Variants in KCNH5 observed in about 807,000 individuals in gnomAD.
The protein encoded by KCNH5 is voltage-gated delayed rectifier potassium channel KCNH5.
KCNH5 carries 46 observed loss-of-function variants against 96.1 expected under a neutral mutation model. The ratio of observed to expected loss-of-function variants is 0.48; its 90% CI spans 0.38 to 0.61. The LOEUF (loss-of-function observed/expected upper bound fraction) is 0.61, where lower values mean the gene tolerates loss of function less well. Among genes scored for constraint, KCNH5 ranks in the 20% least tolerant of loss-of-function variants. The pLI is 0.00. For synonymous variants in KCNH5, 439 were observed against 449.8 expected, an observed-to-expected ratio of 0.98 and a Z score of 0.30; for missense variants, 907 against 1,225.8, an observed-to-expected ratio of 0.74 and a Z score of 3.88.
chr14:62,814,642 G>T (rs1193095106), intron 8 of KCNH5, among the ~76,000 whole-genome samples: 1 of 151,596 alleles, frequency 6.6e-6, no homozygotes, highest in Non-Finnish European at 1.5e-5. Context: ...AATTAGCCGG[G>T]TGTGGTGGCA....
At chr14:62,847,300 A>G (rs976765658) in intron 8 of KCNH5, among the ~76,000 whole-genome samples, 3 of 151,846 alleles carry the variant, frequency 2.0e-5, no homozygotes, top group African/African-American at 7.3e-5. Flanking sequence ...AGTATAGCAT[A>G]TGGTGTGTAA....
At chr14:62,872,985 C>T (rs1049540220) in intron 7 of KCNH5, among the ~76,000 whole-genome samples, 1 of 151,910 alleles carries the variant, frequency 6.6e-6, no homozygotes, top group Non-Finnish European at 1.5e-5. Context: ...TCCGTTTCTA[C>T]TGGAAATAAA....
intron 1 of KCNH5, among the ~76,000 whole-genome samples, chr14:63,036,938 G>A (rs1248857557): frequency 1.3e-5 from 2 of 152,072 alleles, no homozygotes; most frequent in South Asian, 2.1e-4. Context: ...AGAAGAATGC[G>A]CACTCATAAT....
intron 7 of KCNH5, among the ~76,000 whole-genome samples, chr14:62,870,534 AT>A (rs1888233085): frequency 6.6e-6 from 1 of 152,100 alleles, no homozygotes; most frequent in African/African-American, 2.4e-5. Flanking sequence ...ATAGGTAATA[AT>A]TTTTTTAACT....
At position 62,862,309 on chromosome 14, in the gene KCNH5, G is replaced by A. The variant is rs772539655; in HGVS notation, c.1370-12457C>T. Among the ~76,000 whole-genome samples the A allele has an allele frequency of 3.9e-5, 6 of 152,062 alleles. 1 individual carries two copies. The highest frequency in any genetic ancestry group is 5.9e-5 in the Non-Finnish European group (4 of 68,016). On this transcript the variant is annotated intron_variant, in intron 7 of 10. Coordinates refer to ENST00000322893, the MANE Select transcript of KCNH5 (RefSeq NM_139318.5). ...ACTGCCAATAACCTAAATAGTTTGG[G>A]GTCCTGAGAATGATCCCTATGGAAT...
At chr14:62,988,627 C>CA (rs886570530) in intron 4 of KCNH5, among the ~76,000 whole-genome samples, 4 of 149,506 alleles carry the variant, frequency 2.7e-5, no homozygotes, top group Non-Finnish European at 4.5e-5. Context: ...GTAATTAGAA[C>CA]AAAAAAAAAG....
chr14:62,858,785 TCGG>T lies in KCNH5; in HGVS notation c.1370-8936_1370-8934del, dbSNP rs756393649. On this transcript the variant is annotated intron_variant, in intron 7 of 10. Transcript: ENST00000322893. ...GCTATGGGAGAAACAATACCATATATCGGATGCTGATTCAGAGCATACATGGCC... is the reference window on the plus strand; with the variant it reads ...GCTATGGGAGAAACAATACCATATATATGCTGATTCAGAGCATACATGGCC... Among the ~76,000 whole-genome samples, 241 of 152,248 alleles carry T rather than the reference TCGG, an allele frequency of 1.6e-3. 2 individuals are homozygous for T. Among genetic ancestry groups the T allele is most frequent in the Non-Finnish European group, 1.7e-3 (116 of 67,996 alleles).
At chr14:62,993,183 C>G (rs1890844376) in intron 4 of KCNH5, among the ~76,000 whole-genome samples, 1 of 151,930 alleles carries the variant, frequency 6.6e-6, no homozygotes, top group Non-Finnish European at 1.5e-5. Context: ...GTGTCTATTT[C>G]TTATACCAGT....
intron 8 of KCNH5, among the ~76,000 whole-genome samples, chr14:62,848,279 T>G (rs1887737257): frequency 6.6e-6 from 1 of 152,198 alleles, no homozygotes; most frequent in African/African-American, 2.4e-5. Flanking sequence ...TACTCTCACC[T>G]TCACTCCAAG....
rs1226087873 is a variant in KCNH5 at position 62,879,694 on chromosome 14, G to A, written c.1370-29842C>T. Among the ~76,000 whole-genome samples the A allele has an allele frequency of 2.0e-5, 3 of 152,076 alleles. No homozygotes were observed. The East Asian group carries it at 5.8e-4, about 29-fold the overall frequency. On this transcript the variant is annotated intron_variant, in intron 7 of 10. Coordinates refer to ENST00000322893, the MANE Select transcript of KCNH5 (RefSeq NM_139318.5). Reference sequence around the variant, plus strand: ...TTACTCTGCTCTTTACCCAGTATCAGGCATTAAAATTCACTGTACCATTGC... The same window carrying A: ...TTACTCTGCTCTTTACCCAGTATCAAGCATTAAAATTCACTGTACCATTGC...
chr14:63,035,286 T>A (rs936311681), intron 1 of KCNH5, among the ~76,000 whole-genome samples: 1 of 152,202 alleles, frequency 6.6e-6, no homozygotes, highest in Non-Finnish European at 1.5e-5. Flanking sequence ...AATTAAACAC[T>A]AATGGCAAGA....
intron 8 of KCNH5, among the ~76,000 whole-genome samples, chr14:62,815,207 T>C (rs913635969): frequency 2.6e-5 from 4 of 152,112 alleles, no homozygotes; most frequent in Non-Finnish European, 5.9e-5. Flanking sequence ...TCTATATCCA[T>C]TTATATAAAG....
At chr14:62,980,170 A>C (rs148615564) in intron 6 of KCNH5, among the ~76,000 whole-genome samples, 2,455 of 152,270 alleles carry the variant, frequency 0.016, 63 homozygotes, top group African/African-American at 0.057. Context: ...AGCCATGTGG[A>C]ACTGTGAGTC....
intron 4 of KCNH5, among the ~76,000 whole-genome samples, chr14:62,994,651 T>C (rs959410545): frequency 6.6e-6 from 1 of 152,052 alleles, no homozygotes; most frequent in African/African-American, 2.4e-5. Context: ...AACCTGTGCT[T>C]CATTTTTGTG....
chr14:63,011,169 G>T (rs970120615), intron 2 of KCNH5, among the ~76,000 whole-genome samples: 1 of 152,046 alleles, frequency 6.6e-6, no homozygotes, highest in Non-Finnish European at 1.5e-5. Flanking sequence ...GGAAGTTAAG[G>T]AGGAAAAATT....
intron 10 of KCNH5, among the ~76,000 whole-genome samples, chr14:62,713,663 T>C (rs1265349426): frequency 6.6e-6 from 1 of 152,250 alleles, no homozygotes; most frequent in African/African-American, 2.4e-5. Flanking sequence ...CACAAGGTGC[T>C]ACCACCAGCT....
intron 7 of KCNH5, among the ~76,000 whole-genome samples, chr14:62,909,032 ATTTTTTTTTTTTTTT>A (rs58920666): frequency 3.5e-5 from 2 of 57,894 alleles, no homozygotes; most frequent in Non-Finnish European, 5.9e-5. Flanking sequence ...TATGCTACGT[ATTTTTTTTTTTTTTT>A]TTTTTTTTTT....
chr14:62,728,026 A>G (rs887729861), intron 10 of KCNH5, among the ~76,000 whole-genome samples: 1 of 150,086 alleles, frequency 6.7e-6, no homozygotes, highest in African/African-American at 2.5e-5. Context: ...GCTGAATTGT[A>G]TGCTTATCAA....
chr14:62,957,430 T>C (rs757097891), intron 6 of KCNH5, among the ~76,000 whole-genome samples: 4 of 152,170 alleles, frequency 2.6e-5, no homozygotes, highest in African/African-American at 4.8e-5. Flanking sequence ...AGTTGCATGA[T>C]TTTGCACCTA....
Sources: allele counts gnomAD v4.1 joint callset (sites outside exome capture counted in the v4.1 genomes callset), GRCh38; gene constraint gnomAD v4.1.1; transcripts MANE v1.5; gene names NCBI Gene and HGNC (gene_info 2026-07-23, HGNC 2026-07-21).